Variants in SPECC1L observed in about 807,000 individuals in gnomAD.
The protein encoded by SPECC1L is sperm antigen with calponin homology and coiled-coil domains 1 like.
SPECC1L carries 40 observed loss-of-function variants against 116.8 expected under a neutral mutation model. The observed-to-expected ratio is 0.34, with a 90% CI of 0.27 to 0.45. The LOEUF is 0.45. Among genes scored for constraint, SPECC1L ranks in the 20% least tolerant of loss-of-function variants. SPECC1L has a pLI of 1.00. For synonymous variants in SPECC1L, 504 were observed against 500.6 expected (o/e 1.01, Z -0.09); for missense variants, 1,110 against 1,373.6 (o/e 0.81, Z 3.03).
In SPECC1L at chr22:24,349,644, A is replaced by G. The variant is rs560058406; in HGVS notation, c.2743+2468A>G. ...GTTCTACATGTAATCTGCCTTCTCC[A>G]TCTCCATTCATGGCAGTTTCATCCT... On this transcript the variant is annotated intron_variant, in intron 11 of 16. Coordinates refer to ENST00000314328, the MANE Select transcript of SPECC1L (RefSeq NM_015330.6). Among the ~76,000 whole-genome samples, 21 of 152,244 alleles carry G rather than the reference A, an allele frequency of 1.4e-4. No homozygotes were observed. In the East Asian group the frequency reaches 4.1e-3, roughly 29 times the overall value.
chr22:24,272,057 C>T (rs1293600612), intron 1 of SPECC1L, among the ~76,000 whole-genome samples: 2 of 152,088 alleles, frequency 1.3e-5, no homozygotes, highest in Non-Finnish European at 2.9e-5. Context: ...GTAGGTGATA[C>T]CAAAGGGACT....
At chr22:24,404,295 G>A (rs1333111872) in intron 14 of SPECC1L, among the ~76,000 whole-genome samples, 2 of 152,182 alleles carry the variant, frequency 1.3e-5, no homozygotes, top group Non-Finnish European at 2.9e-5. Flanking sequence ...ACAGGACTCC[G>A]ATGATGCCGC....
chr22:24,388,208 A>G lies in SPECC1L; in HGVS notation c.3087+18888A>G, dbSNP rs1432163655. On this transcript the variant is annotated intron_variant, in intron 14 of 16. Coordinates refer to ENST00000314328, the MANE Select transcript of SPECC1L (RefSeq NM_015330.6). ...CAACTCGTCATTTAACATTAGGTAT[A>G]TCTCCTAATGCTATCCCTCCCCCCT... Among the ~76,000 whole-genome samples, 46 of 149,244 alleles carry G rather than the reference A, an allele frequency of 3.1e-4. 1 individual carries two copies. Among genetic ancestry groups the G allele is most frequent in the Non-Finnish European group, 2.2e-4 (15 of 67,250 alleles).
At chr22:24,302,723 A>G (rs768075519) in intron 3 of SPECC1L, among the ~76,000 whole-genome samples, 4 of 152,212 alleles carry the variant, frequency 2.6e-5, no homozygotes, top group Non-Finnish European at 4.4e-5. Flanking sequence ...GAAAATACCC[A>G]GGGAGAATGT....
chr22:24,397,599 C>G (rs1030392170), intron 14 of SPECC1L, among the ~76,000 whole-genome samples: 9 of 152,158 alleles, frequency 5.9e-5, no homozygotes, highest in Admixed American at 2.6e-4. Context: ...ACCATTGATG[C>G]AGTGGTCTAA....
rs536982760 is a variant in SPECC1L at position 24,311,843 on chromosome 22, C to G, written c.154-1470C>G. Among the ~76,000 whole-genome samples, 576 of 150,688 alleles carry G rather than the reference C, an allele frequency of 3.8e-3. 6 individuals carry two copies. Among genetic ancestry groups the G allele is most frequent in the African/African-American group, 0.013 (541 of 40,982 alleles). Reference sequence around the variant, plus strand: ...AAAAAAAAAAAGAATATGAACAGTCCTTGAAATTAATGCAGTGTTTCCCTC... The same window carrying G: ...AAAAAAAAAAAGAATATGAACAGTCGTTGAAATTAATGCAGTGTTTCCCTC... On this transcript the variant is annotated intron_variant, in intron 3 of 16. Coordinates refer to ENST00000314328, the MANE Select transcript of SPECC1L (RefSeq NM_015330.6).
intron 14 of SPECC1L, among the ~76,000 whole-genome samples, chr22:24,411,282 T>C (rs965694848): frequency 3.9e-5 from 6 of 152,290 alleles, no homozygotes; most frequent in Middle Eastern, 6.8e-3. Flanking sequence ...CAACAGGTCA[T>C]GGTAGAGGCC....
rs958084998 is a variant in SPECC1L at position 24,316,680 on chromosome 22, T to G, written c.307+3214T>G. ...TTAAAAGTCTCCCATGTCTACCTCT[T>G]TCTACACAGACACGGCAACCATCCG... On this transcript the variant is annotated intron_variant, in intron 4 of 16. Coordinates refer to ENST00000314328, the MANE Select transcript of SPECC1L (RefSeq NM_015330.6). Among the ~76,000 whole-genome samples, 4 of 149,592 alleles carry G rather than the reference T, an allele frequency of 2.7e-5. 2 individuals are homozygous for G. The highest frequency in any genetic ancestry group is 1.0e-4 in the African/African-American group (4 of 39,724).
chr22:24,396,132 C>T (rs929813588), intron 14 of SPECC1L, among the ~76,000 whole-genome samples: 1 of 152,178 alleles, frequency 6.6e-6, no homozygotes, highest in Admixed American at 6.5e-5. Flanking sequence ...CTAGCTCTCT[C>T]CTTTAGGCAT....
chr22:24,378,903 T>TG (rs1479863405), intron 14 of SPECC1L, among the ~76,000 whole-genome samples: 1 of 152,052 alleles, frequency 6.6e-6, no homozygotes, highest in African/African-American at 2.4e-5. Flanking sequence ...CCAGAGACAT[T>TG]GAAGTGAGCA....
chr22:24,385,498 T>A (rs2042144477), intron 14 of SPECC1L, among the ~76,000 whole-genome samples: 1 of 151,886 alleles, frequency 6.6e-6, no homozygotes, highest in South Asian at 2.1e-4. Context: ...AGTAAAAGAG[T>A]TGGAAAAGAT....
At chr22:24,397,631 TTAA>T (rs1345021010) in intron 14 of SPECC1L, among the ~76,000 whole-genome samples, 1 of 152,248 alleles carries the variant, frequency 6.6e-6, no homozygotes. Context: ...TTGTATTAAA[TTAA>T]TAAAATCCTA....
At chr22:24,406,400 G>A (rs2042591478) in intron 14 of SPECC1L, among the ~76,000 whole-genome samples, 1 of 152,168 alleles carries the variant, frequency 6.6e-6, no homozygotes, top group Non-Finnish European at 1.5e-5. Context: ...GGCATCCTGC[G>A]AGCAGTACCT....
At chr22:24,398,182 T>C (rs916163793) in intron 14 of SPECC1L, among the ~76,000 whole-genome samples, 1 of 152,248 alleles carries the variant, frequency 6.6e-6, no homozygotes, top group African/African-American at 2.4e-5. Flanking sequence ...TTCACACTTT[T>C]GTGTTGTAGA....
At chr22:24,407,707 C>T (rs1269616243) in intron 14 of SPECC1L, among the ~76,000 whole-genome samples, 1 of 152,194 alleles carries the variant, frequency 6.6e-6, no homozygotes, top group Non-Finnish European at 1.5e-5. Flanking sequence ...GTCCCTTAGA[C>T]CTGGCTCTTT....
intron 14 of SPECC1L, among the ~76,000 whole-genome samples, chr22:24,388,618 G>A (rs1419468502): frequency 6.6e-6 from 1 of 152,110 alleles, no homozygotes; most frequent in Admixed American, 6.6e-5. Context: ...GGATGGCTGG[G>A]TCAAATGGTA....
intron 14 of SPECC1L, among the ~76,000 whole-genome samples, chr22:24,399,316 A>G (rs1409754082): frequency 6.6e-6 from 1 of 152,224 alleles, no homozygotes; most frequent in Non-Finnish European, 1.5e-5. Flanking sequence ...CACGCCTGTA[A>G]TCCCAGCACT....
intron 13 of SPECC1L, among the ~76,000 whole-genome samples, chr22:24,366,114 G>A (rs762406156): frequency 5.3e-5 from 8 of 152,040 alleles, no homozygotes; most frequent in Non-Finnish European, 1.0e-4. Context: ...TGATACAGAA[G>A]GCCAGAAGAA....
At chr22:24,366,387 G>T (rs896003557) in intron 13 of SPECC1L, among the ~76,000 whole-genome samples, 1 of 152,200 alleles carries the variant, frequency 6.6e-6, no homozygotes. Context: ...TAGAGATGGG[G>T]TTTCACCGTG....
Sources: gnomAD v4.1 joint callset for allele counts (sites outside exome capture counted in the v4.1 genomes callset) on GRCh38, gnomAD v4.1.1 for gene constraint, MANE v1.5 for transcripts, NCBI Gene and HGNC (gene_info 2026-07-23, HGNC 2026-07-21) for gene names.